The following C10orf90 variants were observed in gnomAD, a reference collection of about 807,000 sequenced individuals.
C10orf90 encodes chromosome 10 open reading frame 90, also known as (E2-independent) E3 ubiquitin-conjugating enzyme FATS.
A neutral mutation model predicts 62.5 loss-of-function variants in C10orf90; 56 were observed. The observed-to-expected ratio is 0.90, with a 90% CI of 0.72 to 1.12. The LOEUF is 1.12. C10orf90 is among the 50% of genes most tolerant of loss of function. C10orf90 has a pLI of 0.00. For missense variants in C10orf90, 970 were observed against 880.4 expected (o/e 1.10, Z -1.29); for synonymous variants, 386 against 340.4 (o/e 1.13, Z -1.47).
chr10:126,614,660 C>T (rs1218084746), intron 2 of C10orf90, among the ~76,000 whole-genome samples: 1 of 152,114 alleles, frequency 6.6e-6, no homozygotes, highest in Admixed American at 6.5e-5. Context: ...ATGCTTAGCT[C>T]AGCCTTTCAA....
intron 4 of C10orf90, among the ~76,000 whole-genome samples, chr10:126,465,404 T>C (rs1860225207): frequency 6.6e-6 from 1 of 151,290 alleles, no homozygotes; most frequent in Non-Finnish European, 1.5e-5. Flanking sequence ...ACAAATTATA[T>C]CTTTTATATA....
intron 2 of C10orf90, among the ~76,000 whole-genome samples, chr10:126,550,044 C>T (rs1864596689): frequency 6.6e-6 from 1 of 151,690 alleles, no homozygotes; most frequent in Non-Finnish European, 1.5e-5. Flanking sequence ...CAACATCAGC[C>T]TCCCGGGTTC....
At chr10:126,517,039 G>T (rs1014965098) in intron 2 of C10orf90, among the ~76,000 whole-genome samples, 5 of 152,002 alleles carry the variant, frequency 3.3e-5, no homozygotes, top group Admixed American at 1.3e-4. Context: ...TATCTCATTT[G>T]CCAAGTCCCT....
intron 2 of C10orf90, among the ~76,000 whole-genome samples, chr10:126,571,644 G>C (rs1233396664): frequency 6.6e-6 from 1 of 152,184 alleles, no homozygotes; most frequent in Non-Finnish European, 1.5e-5. Flanking sequence ...AGTGTCTCCG[G>C]GAATAAGCAA....
intron 4 of C10orf90, among the ~76,000 whole-genome samples, chr10:126,465,640 G>T (rs1281926246): frequency 1.3e-5 from 2 of 152,092 alleles, no homozygotes; most frequent in Non-Finnish European, 2.9e-5. Flanking sequence ...ACAATTTATC[G>T]GGTCAACGTG....
intron 2 of C10orf90, among the ~76,000 whole-genome samples, chr10:126,619,561 G>C (rs1408707513): frequency 6.6e-6 from 1 of 152,124 alleles, no homozygotes; most frequent in Non-Finnish European, 1.5e-5. Context: ...TAAATGTGTT[G>C]GTCATCAGAT....
chr10:126,506,077 C>A (rs138335727), intron 3 of C10orf90, among the ~76,000 whole-genome samples: 1 of 152,326 alleles, frequency 6.6e-6, no homozygotes, highest in Non-Finnish European at 1.5e-5. Context: ...GGACACTGGA[C>A]CAAGGCACAT....
Position 126,432,018 on chromosome 10 carries a change from C to G in C10orf90, c.2189-2168G>C, listed in dbSNP as rs545946208. On this transcript the variant is annotated intron_variant, in intron 7 of 9. Transcript: ENST00000488181. ...ACTGTGTCCAAGGGGGCTTCCCCTGCTGGTGACCTCAACCCATACCCCCGG... is the reference window on the plus strand; with the variant it reads ...ACTGTGTCCAAGGGGGCTTCCCCTGGTGGTGACCTCAACCCATACCCCCGG... 2.0e-5 allele frequency among the ~76,000 whole-genome samples: 3 copies of G among 152,326 alleles called. No individual in the cohort carries two copies. The South Asian group carries it at 6.2e-4, about 32-fold the overall frequency.
In C10orf90 at chr10:126,501,226, C is replaced by T. The variant is rs1041603343; in HGVS notation, c.1534+2731G>A. The stretch of plus-strand genomic sequence containing the variant: ...AAGGTCAGCAAGCTCACCCTCCACA[C>T]GTTGTGCAGGCTGTGCAAGGACAGC... On this transcript the variant is annotated intron_variant, in intron 4 of 9. Transcript: ENST00000488181. Among the ~76,000 whole-genome samples the T allele has an allele frequency of 3.9e-5, 6 of 152,202 alleles. No individual in the cohort carries two copies. The East Asian group carries it at 5.8e-4, about 15-fold the overall frequency.
chr10:126,501,243 A>G (rs1862362610), intron 4 of C10orf90, among the ~76,000 whole-genome samples: 1 of 152,238 alleles, frequency 6.6e-6, no homozygotes, highest in Admixed American at 6.5e-5. Flanking sequence ...CAGGCTGTGC[A>G]AGGACAGCCC....
At chr10:126,603,546 C>T (rs532599659) in intron 2 of C10orf90, among the ~76,000 whole-genome samples, 2 of 152,248 alleles carry the variant, frequency 1.3e-5, no homozygotes, top group East Asian at 3.9e-4. Context: ...AAACAATATA[C>T]CTGAGTTTCA....
intron 2 of C10orf90, among the ~76,000 whole-genome samples, chr10:126,546,165 G>C (rs1864486312): frequency 6.6e-6 from 1 of 152,212 alleles, no homozygotes; most frequent in Non-Finnish European, 1.5e-5. Context: ...ACACGACAGA[G>C]CTAGACAGAA....
At chr10:126,532,842 C>CGAAAAAAAAAAAAAA (rs1864134160) in intron 2 of C10orf90, among the ~76,000 whole-genome samples, 1 of 12,102 alleles carries the variant, frequency 8.3e-5, no homozygotes, top group Non-Finnish European at 1.4e-4. Flanking sequence ...GACTACGTCT[C>CGAAAAAAAAAAAAAA]AAAAAAAAAA....
At chr10:126,547,414 CA>C (rs55740296) in intron 2 of C10orf90, among the ~76,000 whole-genome samples, 5,376 of 125,150 alleles carry the variant, frequency 0.043, 226 homozygotes, top group African/African-American at 0.12. Flanking sequence ...GCAAGACTGT[CA>C]AAAAAAAAAA....
intron 4 of C10orf90, among the ~76,000 whole-genome samples, chr10:126,485,250 C>G (rs2133815837): frequency 6.6e-6 from 1 of 152,266 alleles, no homozygotes; most frequent in African/African-American, 2.4e-5. Flanking sequence ...TCACCAGAAC[C>G]CGACCATGCT....
intron 1 of C10orf90, among the ~76,000 whole-genome samples, chr10:126,669,979 G>A (rs375057462): frequency 2.0e-5 from 3 of 152,064 alleles, no homozygotes; most frequent in African/African-American, 7.2e-5. Flanking sequence ...GTAGTCTTTG[G>A]AGCACCAATA....
intron 2 of C10orf90, among the ~76,000 whole-genome samples, chr10:126,637,243 A>G (rs914804810): frequency 6.6e-6 from 1 of 152,142 alleles, no homozygotes; most frequent in Admixed American, 6.5e-5. Flanking sequence ...TGGTGAGTAG[A>G]AAGCAGACAC....
chr10:126,605,911 ACAT>A (rs1358359801), intron 2 of C10orf90, among the ~76,000 whole-genome samples: 3 of 151,966 alleles, frequency 2.0e-5, no homozygotes, highest in African/African-American at 4.8e-5. Flanking sequence ...ATACATACAT[ACAT>A]TTGATTGCAG....
At chr10:126,463,146 T>G (rs1008515775) in intron 5 of C10orf90, 6 of 152,364 alleles carry the variant, frequency 3.9e-5, no homozygotes, top group African/African-American at 1.4e-4. Flanking sequence ...GTTCACCCTG[T>G]GCACAGGGGA....
Sources: allele counts gnomAD v4.1 joint callset (sites outside exome capture counted in the v4.1 genomes callset), GRCh38; gene constraint gnomAD v4.1.1; transcripts MANE v1.5; gene names NCBI Gene and HGNC (gene_info 2026-07-23, HGNC 2026-07-21).